NAALADL2: variants seen among roughly 807,000 people sequenced by gnomAD.
NAALADL2 encodes the protein N-acetylated alpha-linked acidic dipeptidase like 2, also known as inactive N-acetylated-alpha-linked acidic dipeptidase-like protein 2.
In NAALADL2, 76 loss-of-function variants were observed where a neutral mutation model predicts 87.2. That is an observed-to-expected ratio of 0.87 (90% CI 0.72 to 1.05). The LOEUF (loss-of-function observed/expected upper bound fraction) is 1.05. NAALADL2 is among the 50% of genes least tolerant of loss of function. NAALADL2 has a pLI of 0.00. For synonymous variants in NAALADL2, 354 were observed against 331.0 expected, an observed-to-expected ratio of 1.07 and a Z score of -0.75; for missense variants, 1,089 against 945.8, an observed-to-expected ratio of 1.15 and a Z score of -1.99.
At chr3:174,822,152 T>C (rs1721493134) in intron 3 of NAALADL2, among the ~76,000 whole-genome samples, 1 of 112,988 alleles carries the variant, frequency 8.9e-6, no homozygotes, top group Non-Finnish European at 1.8e-5. Flanking sequence ...TAGTTCTCAG[T>C]GACACAAACA....
chr3:175,220,839 C>G (rs1743242388), intron 2 of NAALADL2, among the ~76,000 whole-genome samples: 1 of 152,086 alleles, frequency 6.6e-6, no homozygotes, highest in African/African-American at 2.4e-5. Flanking sequence ...ATACATTTCT[C>G]TAAGCACTGC....
At chr3:175,735,385 T>G in intron 11 of NAALADL2, among the ~76,000 whole-genome samples, 1 of 152,234 alleles carries the variant, frequency 6.6e-6, no homozygotes, top group East Asian at 1.9e-4. Context: ...TATTTCCCAG[T>G]TCCAAAGTTG....
At chr3:174,460,597 T>C (rs967669587) in intron 1 of NAALADL2, among the ~76,000 whole-genome samples, 1 of 151,968 alleles carries the variant, frequency 6.6e-6, no homozygotes, top group East Asian at 1.9e-4. Flanking sequence ...TTTTTCTTTT[T>C]TTTTCTTACG....
intron 2 of NAALADL2, among the ~76,000 whole-genome samples, chr3:174,731,606 A>T (rs1732711532): frequency 6.6e-6 from 1 of 152,154 alleles, no homozygotes; most frequent in Non-Finnish European, 1.5e-5. Context: ...TAATCCAGTG[A>T]TTCTCAAATT....
chr3:174,719,665 T>A (rs1731525173), intron 2 of NAALADL2, among the ~76,000 whole-genome samples: 1 of 152,182 alleles, frequency 6.6e-6, no homozygotes, highest in Non-Finnish European at 1.5e-5. Context: ...ATAAACACAG[T>A]TAGGAGCAAA....
intron 4 of NAALADL2, among the ~76,000 whole-genome samples, chr3:175,274,224 G>T (rs1753262789): frequency 6.6e-6 from 1 of 152,122 alleles, no homozygotes; most frequent in Non-Finnish European, 1.5e-5. Flanking sequence ...CCCTTTTATA[G>T]AACAGTCAGA....
chr3:175,006,885 C>T (rs918953916), intron 1 of NAALADL2, among the ~76,000 whole-genome samples: 8 of 151,138 alleles, frequency 5.3e-5, no homozygotes, highest in Non-Finnish European at 1.2e-4. Flanking sequence ...CTTATGCATT[C>T]TTATACGTAT....
intron 9 of NAALADL2, among the ~76,000 whole-genome samples, chr3:175,472,801 C>G (rs16825774): frequency 0.022 from 3,421 of 152,224 alleles, 147 homozygotes; most frequent in East Asian, 0.14. Flanking sequence ...GTGTGCATGC[C>G]TAAATTATAT....
intron 2 of NAALADL2, among the ~76,000 whole-genome samples, chr3:175,199,168 G>T (rs1387374511): frequency 6.6e-6 from 1 of 152,158 alleles, no homozygotes; most frequent in Non-Finnish European, 1.5e-5. Context: ...AAAGAGCGCA[G>T]AGCTTTCTCC....
chr3:174,533,711 G>C (rs868560992), intron 1 of NAALADL2, among the ~76,000 whole-genome samples: 1 of 151,328 alleles, frequency 6.6e-6, no homozygotes, highest in Admixed American at 6.6e-5. Context: ...CTCCATAATA[G>C]ATCTTACAGC....
At chr3:175,742,298 T>C (rs1209039858) in intron 12 of NAALADL2, among the ~76,000 whole-genome samples, 2 of 152,202 alleles carry the variant, frequency 1.3e-5, no homozygotes, top group Non-Finnish European at 2.9e-5. Flanking sequence ...ACTTTCCCCT[T>C]TGGCTTAGTG....
intron 1 of NAALADL2, among the ~76,000 whole-genome samples, chr3:174,947,093 G>C (rs564180988): frequency 6.6e-6 from 1 of 152,202 alleles, no homozygotes; most frequent in African/African-American, 2.4e-5. Flanking sequence ...GTTGTGCTCA[G>C]TTAGAGCATC....
chr3:175,567,956 T>A (rs1582435310), intron 9 of NAALADL2, among the ~76,000 whole-genome samples: 1 of 152,246 alleles, frequency 6.6e-6, no homozygotes, highest in East Asian at 1.9e-4. Flanking sequence ...CTTCAAGTAA[T>A]CTGCCTGCCT....
intron 3 of NAALADL2, among the ~76,000 whole-genome samples, chr3:174,750,809 T>C (rs1734749866): frequency 6.6e-6 from 1 of 152,212 alleles, no homozygotes. Context: ...TTTCTCAATA[T>C]ACTTCCTGCC....
At chr3:174,598,226 A>G (rs573133013) in intron 2 of NAALADL2, among the ~76,000 whole-genome samples, 18 of 152,298 alleles carry the variant, frequency 1.2e-4, no homozygotes, top group South Asian at 1.0e-3. Context: ...AGGAAACCTG[A>G]TAGGAATTCA....
At chr3:174,822,157 C>G (rs1721493623) in intron 3 of NAALADL2, among the ~76,000 whole-genome samples, 1 of 112,088 alleles carries the variant, frequency 8.9e-6, no homozygotes, top group African/African-American at 4.4e-5. Flanking sequence ...CTCAGTGACA[C>G]AAACACACAC....
chr3:175,017,536 C>T (rs941176274), intron 1 of NAALADL2, among the ~76,000 whole-genome samples: 2 of 151,950 alleles, frequency 1.3e-5, no homozygotes, highest in Non-Finnish European at 2.9e-5. Context: ...TGTCAGTGTG[C>T]CCTGGTTGAT....
At chr3:175,600,731 T>G (rs372431055) in intron 10 of NAALADL2, among the ~76,000 whole-genome samples, 2,398 of 150,692 alleles carry the variant, frequency 0.016, 69 homozygotes, top group African/African-American at 0.056. Flanking sequence ...TAGAGACGGG[T>G]TTTCACCGTG....
At chr3:174,920,050 A>G (rs1161144921) in intron 1 of NAALADL2, among the ~76,000 whole-genome samples, 1 of 152,208 alleles carries the variant, frequency 6.6e-6, no homozygotes, top group South Asian at 2.1e-4. Flanking sequence ...CATGTATGCT[A>G]TCATTCAGGC....
Sources: gnomAD v4.1 joint callset for allele counts (sites outside exome capture counted in the v4.1 genomes callset) on GRCh38, gnomAD v4.1.1 for gene constraint, MANE v1.5 for transcripts, NCBI Gene and HGNC (gene_info 2026-07-23, HGNC 2026-07-21) for gene names.